Variants in VPS13A observed in about 807,000 individuals in gnomAD.
VPS13A encodes intermembrane lipid transfer protein VPS13A.
A neutral mutation model predicts 390.9 loss-of-function variants in VPS13A; 264 were observed. That is an observed-to-expected ratio of 0.68 (90% CI 0.61 to 0.75). The LOEUF is 0.75. VPS13A is among the 30% of genes least tolerant of loss of function. VPS13A has a pLI of 0.00. For missense variants in VPS13A, 3,409 were observed against 3,733.9 expected (o/e 0.91, Z 2.27); for synonymous variants, 1,231 against 1,227.1 (o/e 1.00, Z -0.07).
At chr9:77,254,967 A>G (rs1587428450) in intron 22 of VPS13A, among the ~76,000 whole-genome samples, 1 of 152,080 alleles carries the variant, frequency 6.6e-6, no homozygotes, top group African/African-American at 2.4e-5. Flanking sequence ...CCTTTCTGAT[A>G]TGGGTGCCTT....
Position 77,283,570 on chromosome 9 carries a change from A to G in VPS13A, c.3259A>G (p.Arg1087Gly), listed in dbSNP as rs749264560. 8 of 1,613,586 alleles carry G rather than the reference A, an allele frequency of 5.0e-6. No individual in the cohort carries two copies. The South Asian group carries it at 6.6e-5, about 13-fold the overall frequency. ...IEGLDSEMIM[R>G]PSETEINAKL... is the part of the protein sequence containing the mutation. ...AGGGCTTGATTCTGAGATGATTATGAGGCCTTCAGAAACTGAAATAAACGC... is the reference window on the plus strand; with the variant it reads ...AGGGCTTGATTCTGAGATGATTATGGGGCCTTCAGAAACTGAAATAAACGC... The change falls in exon 31 of 72, where the codon AGG becomes GGG. Residue 1087 changes from arginine to glycine, a missense_variant. By Grantham distance (125) the Arg-to-Gly change is moderately radical. Transcript: ENST00000360280.
intron 71 of VPS13A, among the ~76,000 whole-genome samples, chr9:77,407,976 C>T (rs1030036117): frequency 2.0e-5 from 3 of 152,164 alleles, no homozygotes; most frequent in Admixed American, 6.5e-5. Context: ...TTTTCTACTG[C>T]ATAGCTACCG....
At position 77,220,049 on chromosome 9, in the gene VPS13A, C is replaced by A. The variant is rs1404670026; in HGVS notation, c.850C>A (p.His284Asn). Residue 284 changes from histidine (H) to asparagine (N), a missense_variant, in exon 11 of 72, where the codon CAT (histidine) becomes AAT (asparagine). Transcript: ENST00000360280. ...APKINLEIELHNIAIEFNKPQ... is the reference protein window; with the variant it reads ...APKINLEIELNNIAIEFNKPQ... ...CAAAATAAACTTGGAAATTGAGTTA[C>A]ATAACATAGCAATTGAATTTAATAA... is the stretch of plus-strand genomic sequence containing the variant. The A allele has an allele frequency of 6.2e-7, 1 of 1,610,960 alleles. No individual in the cohort carries two copies. Among genetic ancestry groups the A allele is most frequent in the African/African-American group, 1.3e-5 (1 of 74,826 alleles).
chr9:77,238,044 A>G lies in VPS13A; in HGVS notation c.1638A>G (p.Pro546=). 1 of 1,613,260 alleles carries G rather than the reference A, an allele frequency of 6.2e-7. No homozygotes were observed. Among genetic ancestry groups the G allele is most frequent in the African/African-American group, 1.3e-5 (1 of 74,930 alleles). Residue 546 remains proline, a synonymous_variant, in exon 18 of 72, where the codon CCA becomes CCG. Coordinates refer to ENST00000360280, the MANE Select transcript of VPS13A (RefSeq NM_033305.3). ...KIDSFHITGL[P]DNSEKPRLLS... Reference sequence around the variant, plus strand: ...ATTCATTTCATATTACTGGCTTACCAGATAATTCAGAAAAACCCCGCCTCC... The same window carrying G: ...ATTCATTTCATATTACTGGCTTACCGGATAATTCAGAAAAACCCCGCCTCC...
Position 77,250,110 on chromosome 9 carries a change from G to C in VPS13A, c.2051G>C (p.Ser684Thr), listed in dbSNP as rs377373747. 2.2e-5 allele frequency: 35 copies of C among 1,613,652 alleles called. No individual in the cohort carries two copies. The highest frequency in any genetic ancestry group is 1.6e-4 in the Middle Eastern group (1 of 6,074). ...ATTAACTTGAAGGTGACGAGTAAAAGTCGTTCTGAATTACCAGATGTGAAA... is the reference window on the plus strand; with the variant it reads ...ATTAACTTGAAGGTGACGAGTAAAACTCGTTCTGAATTACCAGATGTGAAA... ...DLGHLKVTSK[S>T]RSELPDVKQG... The change falls in exon 21 of 72, where the codon AGT (serine) becomes ACT (threonine). Residue 684 changes from serine (S) to threonine (T), a missense_variant. Physicochemically the swap from Ser to Thr is moderately conservative, Grantham distance 58. Coordinates refer to ENST00000360280, the MANE Select transcript of VPS13A (RefSeq NM_033305.3).
rs1825188943 is a variant in VPS13A, at chr9:77,252,327, G to A, written c.2263G>A (p.Val755Ile). Residue 755 changes from valine to isoleucine, a missense_variant, in exon 22 of 72, where the codon GTT becomes ATT. Around this residue, in one of 5 missense-constraint regions of VPS13A, gnomAD observed 2,717 missense variants for 2,917.4 expected, o/e 0.93. Coordinates refer to ENST00000360280, the MANE Select transcript of VPS13A (RefSeq NM_033305.3). ...CAATTTGGAACTGTCTAAGGCCATG[G>A]TTTTCATGGATGTAAGGATGCCCAA... ...HFNLELSKAMVFMDVRMPKFK... is the reference protein window; with the variant it reads ...HFNLELSKAMIFMDVRMPKFK... 2 of 1,613,704 alleles carry A rather than the reference G, an allele frequency of 1.2e-6. No homozygotes were observed. Among genetic ancestry groups the A allele is most frequent in the African/African-American group, 1.3e-5 (1 of 75,014 alleles).
At chr9:77,202,349 T>G (rs1263898656) in intron 3 of VPS13A, among the ~76,000 whole-genome samples, 1 of 152,170 alleles carries the variant, frequency 6.6e-6, no homozygotes, top group Non-Finnish European at 1.5e-5. Flanking sequence ...TATTTCTGAT[T>G]ATTTACATGT....
chr9:77,327,798 A>G lies in VPS13A; in HGVS notation c.5992-4212A>G, dbSNP rs979257909. ...CAATTCTAATTCTAGTTCTCTTGCTATATCCACCATATCTGCAGTGACTTG... is the reference window on the plus strand; with the variant it reads ...CAATTCTAATTCTAGTTCTCTTGCTGTATCCACCATATCTGCAGTGACTTG... On this transcript the variant is annotated intron_variant, in intron 45 of 71. Transcript: ENST00000360280. Among the ~76,000 whole-genome samples the G allele has an allele frequency of 2.0e-5, 3 of 152,122 alleles. No homozygotes were observed. In the East Asian group the frequency reaches 5.8e-4, roughly 29 times the overall value.
chr9:77,231,638 G>T (rs922619741), intron 17 of VPS13A, among the ~76,000 whole-genome samples: 2 of 151,724 alleles, frequency 1.3e-5, no homozygotes, highest in Non-Finnish European at 1.5e-5. Context: ...GAATTCTTTT[G>T]TATTCTGGAT....
Position 77,384,618 on chromosome 9 carries a change from C to T in VPS13A, c.9189+2531C>T, listed in dbSNP as rs780182810. The T allele has an allele frequency of 4.8e-5, 78 of 1,610,318 alleles. 3 individuals are homozygous for T. In the South Asian group the frequency reaches 8.0e-4, roughly 17 times the overall value. On this transcript the variant is annotated intron_variant, in intron 68 of 71. Coordinates refer to ENST00000360280, the MANE Select transcript of VPS13A (RefSeq NM_033305.3). ...ATTCTACAGGGAGTGGATTATGACTCACAGTAGCAGTAGTGATGATGATGA... is the reference window on the plus strand; with the variant it reads ...ATTCTACAGGGAGTGGATTATGACTTACAGTAGCAGTAGTGATGATGATGA...
At chr9:77,399,966 C>T (rs1834299241) in intron 68 of VPS13A, among the ~76,000 whole-genome samples, 1 of 151,874 alleles carries the variant, frequency 6.6e-6, no homozygotes, top group Non-Finnish European at 1.5e-5. Flanking sequence ...TCAGTATGCA[C>T]AGGTTTTTTA....
At chr9:77,231,600 T>C (rs11145347) in intron 17 of VPS13A, among the ~76,000 whole-genome samples, 27,370 of 152,050 alleles carry the variant, frequency 0.18, 2,558 homozygotes, top group Middle Eastern at 0.24. Flanking sequence ...TTTAATTGAG[T>C]TATTTTTCAT....
chr9:77,286,361 G>A (rs1827324066), intron 31 of VPS13A, among the ~76,000 whole-genome samples: 1 of 152,094 alleles, frequency 6.6e-6, no homozygotes, highest in African/African-American at 2.4e-5. Context: ...CAGTAGGGAC[G>A]TTTCTTCATT....
At chr9:77,230,989 GT>G (rs1823798464) in intron 17 of VPS13A, among the ~76,000 whole-genome samples, 1 of 151,988 alleles carries the variant, frequency 6.6e-6, no homozygotes, top group African/African-American at 2.4e-5. Context: ...GTATTTTATT[GT>G]TTTTGATGAT....
chr9:77,365,640 T>G, intron 60 of VPS13A, 67 bp downstream of exon 60: 5 of 974,682 alleles, frequency 5.1e-6, no homozygotes, highest in Non-Finnish European at 8.2e-6. Context: ...AGCATTTATA[T>G]TGTGTTCTTC....
At chr9:77,182,997 C>T (rs1195316198) in intron 1 of VPS13A, among the ~76,000 whole-genome samples, 10 of 152,156 alleles carry the variant, frequency 6.6e-5, no homozygotes, top group Non-Finnish European at 1.3e-4. Context: ...GCCCAGAATA[C>T]ACTAGGGAGC....
chr9:77,237,375 A>AT (rs1012756583), intron 17 of VPS13A, among the ~76,000 whole-genome samples: 1 of 151,456 alleles, frequency 6.6e-6, no homozygotes, highest in Non-Finnish European at 1.5e-5. Context: ...AAATTGTTTT[A>AT]TTTTTTTGAG....
intron 19 of VPS13A, among the ~76,000 whole-genome samples, chr9:77,245,287 G>A (rs1034632965): frequency 6.6e-6 from 1 of 152,172 alleles, no homozygotes; most frequent in Non-Finnish European, 1.5e-5. Context: ...ACTTAGATTT[G>A]TAGAAGCCAG....
At chr9:77,266,569 C>T (rs894459861) in intron 23 of VPS13A, among the ~76,000 whole-genome samples, 11 of 152,198 alleles carry the variant, frequency 7.2e-5, no homozygotes, top group African/African-American at 2.2e-4. Flanking sequence ...GGTAACCTGA[C>T]GTTTCTCTGT....
Sources: allele counts gnomAD v4.1 joint callset (sites outside exome capture counted in the v4.1 genomes callset), GRCh38; gene constraint gnomAD v4.1.1; regional missense constraint gnomAD v4.1.1; transcripts MANE v1.5; gene names NCBI Gene and HGNC (gene_info 2026-07-23, HGNC 2026-07-21).